STRN3: variants seen among roughly 807,000 people sequenced by gnomAD.
The protein encoded by STRN3 is striatin 3.
STRN3 carries 29 observed loss-of-function variants against 95.6 expected under a neutral mutation model. The ratio of observed to expected loss-of-function variants is 0.30; its 90% confidence interval spans 0.23 to 0.41. STRN3 has a LOEUF of 0.41. Ranked by LOEUF, STRN3 falls within the 10% of genes least tolerant of loss-of-function variation. The pLI is 1.00. For synonymous variants in STRN3, 331 were observed against 357.6 expected (o/e 0.93, Z 0.84); for missense variants, 890 against 972.1 (o/e 0.92, Z 1.12).
rs749908356 is a variant in STRN3, at chr14:30,905,528, A to G, written c.1919T>C (p.Ile640Thr). 5 of 1,605,948 alleles carry G rather than the reference A, an allele frequency of 3.1e-6. No individual in the cohort carries two copies. The highest frequency in any genetic ancestry group is 1.3e-5 in the African/African-American group (1 of 74,654). The change falls in exon 15 of 18, where the codon ATA becomes ACA. Residue 640 changes from isoleucine to threonine, a missense_variant. By Grantham distance (89) the Ile-to-Thr change is moderately conservative (BLOSUM62 -1). Around this residue, in one of 3 missense-constraint regions of STRN3, gnomAD observed 357 missense variants for 422.8 expected, o/e 0.84. Coordinates refer to ENST00000357479, the MANE Select transcript of STRN3 (RefSeq NM_001083893.2). ...KHGIPTSVDF[I>T]GCDPAHMVTS... ...TACCATATGAGCTGGATCACAGCCT[A>G]TAAAGTCAACTGATGTAGGTATTCC...
intron 1 of STRN3, among the ~76,000 whole-genome samples, chr14:30,963,900 G>A (rs1880337707): frequency 6.6e-6 from 1 of 152,170 alleles, no homozygotes; most frequent in Admixed American, 6.5e-5. Flanking sequence ...AAAACTTAGA[G>A]GATGCAATGT....
chr14:30,915,439 A>C (rs895209287), intron 9 of STRN3, among the ~76,000 whole-genome samples: 1 of 152,158 alleles, frequency 6.6e-6, no homozygotes, highest in Admixed American at 6.5e-5. Flanking sequence ...ACCTGACAGA[A>C]AATATATAGA....
At chr14:30,923,470 G>C (rs999494610) in intron 8 of STRN3, among the ~76,000 whole-genome samples, 1 of 152,042 alleles carries the variant, frequency 6.6e-6, no homozygotes, top group African/African-American at 2.4e-5. Context: ...CAGTAACGGA[G>C]AGAAGGGAAA....
intron 1 of STRN3, among the ~76,000 whole-genome samples, chr14:31,012,048 C>CTCCA (rs1882995340): frequency 6.6e-6 from 1 of 152,232 alleles, no homozygotes; most frequent in South Asian, 2.1e-4. Context: ...CGCAACTGCG[C>CTCCA]TCCAGCATGG....
intron 1 of STRN3, among the ~76,000 whole-genome samples, chr14:30,985,760 A>G (rs770701161): frequency 6.6e-6 from 1 of 152,230 alleles, no homozygotes; most frequent in Non-Finnish European, 1.5e-5. Flanking sequence ...CATAAGAAAT[A>G]TATCTTTTGC....
chr14:30,990,799 A>C (rs1185761437), intron 1 of STRN3, among the ~76,000 whole-genome samples: 1 of 152,234 alleles, frequency 6.6e-6, no homozygotes, highest in Admixed American at 6.5e-5. Flanking sequence ...ATTACTTTAA[A>C]TACCTAATAC....
rs1896110141 is a variant in STRN3 at position 30,895,234 on chromosome 14, A to G, written c.*177T>C. On this transcript the variant is annotated 3_prime_UTR_variant, in exon 18 of 18. Coordinates refer to ENST00000357479, the MANE Select transcript of STRN3 (RefSeq NM_001083893.2). ...CTTTGTCCCACAAAATACAGTAATTACAGTTAACTTAATGAGCTTGACATT... is the reference window on the plus strand; with the variant it reads ...CTTTGTCCCACAAAATACAGTAATTGCAGTTAACTTAATGAGCTTGACATT... 1.5e-6 allele frequency: 1 copy of G among 655,192 alleles called. No individual in the cohort carries two copies. Among genetic ancestry groups the G allele is most frequent in the East Asian group, 2.8e-5 (1 of 36,192 alleles). The allele number at this position is 655,192 out of a possible 1,614,324, so 40.6% of individuals were successfully genotyped here.
chr14:31,006,101 A>G (rs1249936952), intron 1 of STRN3, among the ~76,000 whole-genome samples: 2 of 146,542 alleles, frequency 1.4e-5, no homozygotes, highest in Admixed American at 7.1e-5. Context: ...CCTAGGTGAC[A>G]GAGCGAGACT....
intron 1 of STRN3, among the ~76,000 whole-genome samples, chr14:30,974,028 T>C (rs1880965346): frequency 6.6e-6 from 1 of 152,164 alleles, no homozygotes; most frequent in Non-Finnish European, 1.5e-5. Context: ...GACTGAAAGC[T>C]TTTTCTCTAA....
At chr14:30,947,861 A>T (rs78880528) in intron 4 of STRN3, among the ~76,000 whole-genome samples, 1 of 152,330 alleles carries the variant, frequency 6.6e-6, no homozygotes, top group African/African-American at 2.4e-5. Context: ...AAAAGAAGAA[A>T]GGGACTAGAT....
At chr14:30,955,768 AC>A in intron 2 of STRN3, 75 bp from the exon 3 acceptor site, 1 of 1,172,836 alleles carries the variant, frequency 8.5e-7, no homozygotes, top group Non-Finnish European at 1.2e-6. Flanking sequence ...TACTCCAATA[AC>A]AAAACATAAT....
chr14:30,996,699 C>T (rs1301684310), intron 1 of STRN3, among the ~76,000 whole-genome samples: 1 of 152,114 alleles, frequency 6.6e-6, no homozygotes, highest in African/African-American at 2.4e-5. Context: ...AACCCCATCT[C>T]TACTAAAAAT....
At chr14:30,948,969 T>G (rs911572306) in intron 4 of STRN3, among the ~76,000 whole-genome samples, 1 of 152,194 alleles carries the variant, frequency 6.6e-6, no homozygotes, top group Non-Finnish European at 1.5e-5. Context: ...AATGACTGAC[T>G]CATGGGCAAT....
At chr14:30,996,408 G>A (rs61976802) in intron 1 of STRN3, among the ~76,000 whole-genome samples, 20,162 of 152,184 alleles carry the variant, frequency 0.13, 1,405 homozygotes, top group South Asian at 0.19. Context: ...AAACCTTTTC[G>A]ATAAAGGGTC....
At chr14:30,948,624 C>T (rs1265990522) in intron 4 of STRN3, among the ~76,000 whole-genome samples, 1 of 152,130 alleles carries the variant, frequency 6.6e-6, no homozygotes, top group African/African-American at 2.4e-5. Flanking sequence ...CTCTTGAATA[C>T]GTTTGTGATA....
intron 10 of STRN3, among the ~76,000 whole-genome samples, chr14:30,912,575 G>A (rs1211097310): frequency 6.6e-6 from 1 of 152,144 alleles, no homozygotes; most frequent in African/African-American, 2.4e-5. Context: ...TTGTCATTTA[G>A]AAAACGTATT....
chr14:30,957,463 A>AT (rs1879974589), intron 1 of STRN3, among the ~76,000 whole-genome samples: 4 of 28,002 alleles, frequency 1.4e-4, no homozygotes, highest in Non-Finnish European at 2.7e-4. Context: ...AAAAAAAAAA[A>AT]AAAAAAGAGA....
At chr14:30,897,650 T>C (rs934840261) in intron 16 of STRN3, among the ~76,000 whole-genome samples, 1 of 152,110 alleles carries the variant, frequency 6.6e-6, no homozygotes, top group Non-Finnish European at 1.5e-5. Context: ...AGACAAAATT[T>C]AAAAAAATTA....
intron 1 of STRN3, among the ~76,000 whole-genome samples, chr14:30,972,653 A>G (rs567034461): frequency 6.6e-6 from 1 of 152,150 alleles, no homozygotes; most frequent in East Asian, 1.9e-4. Context: ...ATTAAAAAAA[A>G]AAAAATTAGC....
Sources: gnomAD v4.1 joint callset for allele counts (sites outside exome capture counted in the v4.1 genomes callset) on GRCh38, gnomAD v4.1.1 for gene constraint, gnomAD v4.1.1 regional missense constraint, MANE v1.5 for transcripts, NCBI Gene and HGNC (gene_info 2026-07-23, HGNC 2026-07-21) for gene names.